The following PSMD4 variants were observed in gnomAD, a reference collection of about 807,000 sequenced individuals.
PSMD4 encodes the protein 26S proteasome non-ATPase regulatory subunit 4.
PSMD4 carries 5 observed loss-of-function variants against 39.7 expected under a neutral mutation model. The observed-to-expected ratio is 0.13, with a 90% CI of 0.07 to 0.26. The LOEUF is 0.26. Among genes scored for constraint, PSMD4 ranks in the 10% least tolerant of loss-of-function variants. PSMD4 has a pLI of 1.00. For synonymous variants in PSMD4, 143 were observed against 174.6 expected (o/e 0.82, Z 1.43); for missense variants, 272 against 486.1 (o/e 0.56, Z 4.14).
chr1:151,262,083 G>A, intron 1 of PSMD4, 78 bp from the exon 2 acceptor site: 1 of 1,517,620 alleles, frequency 6.6e-7, no homozygotes. Context: ...CTGCTATAGG[G>A]GGCCTCTGGA....
At chr1:151,262,638 C>A (rs181093164) in intron 2 of PSMD4, 73 of 249,742 alleles carry the variant, frequency 2.9e-4, no homozygotes, top group Non-Finnish European at 4.7e-4. Context: ...AGTTTGAGAC[C>A]AGCCTGGGCA....
intron 3 of PSMD4, 65 bp downstream of exon 3, chr1:151,264,093 A>G: frequency 8.0e-7 from 1 of 1,247,142 alleles, no homozygotes; most frequent in East Asian, 2.6e-5. Context: ...CATCATACTC[A>G]TTTCTCCCCT....
At chr1:151,261,430 C>A (rs938989928) in intron 1 of PSMD4, among the ~76,000 whole-genome samples, 1 of 152,102 alleles carries the variant, frequency 6.6e-6, no homozygotes, top group Non-Finnish European at 1.5e-5. Context: ...CTGCCTCGGC[C>A]TCCCAAAGTG....
intron 3 of PSMD4, 38 bp from the exon 4 acceptor site, chr1:151,264,794 C>G (rs761889996): frequency 1.3e-6 from 2 of 1,513,922 alleles, no homozygotes; most frequent in South Asian, 2.3e-5. Flanking sequence ...TGAGTGATTC[C>G]TCTGGTTAAC....
chr1:151,265,118 C>G lies in PSMD4; in HGVS notation c.370-48C>G, dbSNP rs200519225. 8.3e-4 allele frequency: 1,265 copies of G among 1,530,536 alleles called. 16 individuals are homozygous for G. The African/African-American group carries it at 0.015, about 19-fold the overall frequency. The allele number at this position is 1,530,536 out of a possible 1,614,324, so 94.8% of individuals were successfully genotyped here. A position where few individuals can be genotyped will look rare whatever the true frequency, so the allele number is the denominator to read the frequency against. On this transcript the variant is annotated intron_variant, in intron 4 of 9. Transcript: ENST00000368884. ...CTTTTATGCGGCGGGTCCTTTCCCCCCCTCGAGTATGGAACAGATTTCTTG... is the reference window on the plus strand; with the variant it reads ...CTTTTATGCGGCGGGTCCTTTCCCCGCCTCGAGTATGGAACAGATTTCTTG...
chr1:151,262,203 C>T lies in PSMD4; in HGVS notation c.69C>T (p.Pro23=), dbSNP rs748927812. Residue 23 remains proline, a synonymous_variant, in exon 2 of 10, where the codon CCC becomes CCT. Coordinates refer to ENST00000368884, the MANE Select transcript of PSMD4 (RefSeq NM_002810.4). ...SEYMRNGDFL[P]TRLQAQQDAV... Reference sequence around the variant, plus strand: ...ATATGCGGAATGGAGACTTCTTACCCACCAGGCTGCAGGCCCAGCAGGATG... The same window carrying T: ...ATATGCGGAATGGAGACTTCTTACCTACCAGGCTGCAGGCCCAGCAGGATG... 6.0e-5 allele frequency: 97 copies of T among 1,614,018 alleles called. No individual in the cohort carries two copies. The highest frequency in any genetic ancestry group is 7.1e-5 in the Non-Finnish European group (84 of 1,180,034).
At chr1:151,254,844 G>A in intron 1 of PSMD4, 36 bp downstream of exon 1, 1 of 1,477,994 alleles carries the variant, frequency 6.8e-7, no homozygotes, top group Non-Finnish European at 8.9e-7. Context: ...GGGCAGAGCT[G>A]GGTTCCGGGC....
rs771363884 is a variant in PSMD4, at chr1:151,254,786, G to A, written c.4G>A (p.Val2Met). Residue 2 changes from valine (V) to methionine (M), a missense_variant, in exon 1 of 10, where the codon GTG (valine) becomes ATG (methionine). Physicochemically the swap from Val to Met is conservative, Grantham distance 21. Coordinates refer to ENST00000368884, the MANE Select transcript of PSMD4 (RefSeq NM_002810.4). ...CGGGAGGGAGGAAGGTGGCAAGATG[G>A]TGTTGGAAAGCACTATGGTGTGGTG... M[V>M]LESTMVCVDN... 4 of 1,566,304 alleles carry A rather than the reference G, an allele frequency of 2.6e-6. No individual in the cohort carries two copies. The highest frequency in any genetic ancestry group is 3.5e-6 in the Non-Finnish European group (4 of 1,157,584).
chr1:151,257,201 TTTCCTCA>T lies in PSMD4; in HGVS notation c.26+2394_26+2400del, dbSNP rs587602281. On this transcript the variant is annotated intron_variant, in intron 1 of 9. Coordinates refer to ENST00000368884, the MANE Select transcript of PSMD4 (RefSeq NM_002810.4). ...CCCCAGTTATTGAATAGGGACTCTT[TTTCCTCA>T]CTGCTTGTTTTGTCAGCTTTGTCAA... 8.9e-4 allele frequency among the ~76,000 whole-genome samples: 136 copies of T among 152,342 alleles called. 1 individual carries two copies. Among genetic ancestry groups the T allele is most frequent in the African/African-American group, 3.1e-3 (130 of 41,580 alleles).
intron 9 of PSMD4, 58 bp downstream of exon 9, chr1:151,266,645 C>T (rs587746540): frequency 1.3e-6 from 2 of 1,574,042 alleles, no homozygotes; most frequent in East Asian, 2.3e-5. Context: ...ATCCTCATCC[C>T]TCTGGGGCTG....
Position 151,259,031 on chromosome 1 carries a change from T to C in PSMD4, c.27-3130T>C, listed in dbSNP as rs771079516. 8.5e-5 allele frequency: 13 copies of C among 152,130 alleles called. 2 individuals are homozygous for C. Among genetic ancestry groups the C allele is most frequent in the African/African-American group, 3.1e-4 (13 of 41,492 alleles). 9.4% of individuals were successfully genotyped at this position (152,130 alleles called of 1,614,324 possible). A position where few individuals can be genotyped will look rare whatever the true frequency, so the allele number is the denominator to read the frequency against. On this transcript the variant is annotated intron_variant, in intron 1 of 9. Transcript: ENST00000368884. ...GAGCTCAAGACCAACCTGGCCAACA[T>C]AGTGAAACCCCGTCTCTACTAAAAA...
rs1394587752 is a variant in PSMD4, at chr1:151,262,122, A to G, written c.27-39A>G. ...GGAGAGAAGGTTTTGGAAAACTTCT[A>G]CATTTCTTCTCTCTTGTCCTTCAAC... On this transcript the variant is annotated intron_variant, in intron 1 of 9. Transcript: ENST00000368884. 9 of 1,611,448 alleles carry G rather than the reference A, an allele frequency of 5.6e-6. No homozygotes were observed. In the South Asian group the frequency reaches 8.8e-5, roughly 16 times the overall value.
chr1:151,266,250 G>A, intron 7 of PSMD4, 58 bp from the exon 8 acceptor site: 4 of 1,611,210 alleles, frequency 2.5e-6, no homozygotes, highest in Middle Eastern at 1.7e-4. Context: ...TGGCCTTGGA[G>A]GCTGGCCTGT....
chr1:151,256,328 A>G, intron 1 of PSMD4, among the ~76,000 whole-genome samples: 1 of 134,280 alleles, frequency 7.4e-6, no homozygotes, highest in Non-Finnish European at 1.6e-5. Context: ...TGGGCGACAG[A>G]GTGAGACTCC....
rs757586893 is a variant in PSMD4 at position 151,267,232 on chromosome 1, C to T, written c.1023C>T (p.Asn341=). Residue 341 remains asparagine, a synonymous_variant, in exon 10 of 10, where the codon AAC becomes AAT. Transcript: ENST00000368884. ...DPEFLQSVLE[N]LPGVDPNNEA... ...AGTTCCTTCAGAGTGTCCTAGAGAA[C>T]CTCCCAGGTGTGGATCCCAACAATG... 7.4e-6 allele frequency: 12 copies of T among 1,613,912 alleles called. No individual in the cohort carries two copies. The Admixed American group carries it at 1.0e-4, about 13-fold the overall frequency.
chr1:151,256,355 AAT>A (rs1491420528), intron 1 of PSMD4, among the ~76,000 whole-genome samples: 16,635 of 71,684 alleles, frequency 0.23, 1,704 homozygotes, highest in Middle Eastern at 0.34. Flanking sequence ...AAAAAAAAAA[AAT>A]AATAATAAAA....
intron 2 of PSMD4, among the ~76,000 whole-genome samples, chr1:151,263,473 AAAG>A (rs1438152876): frequency 9.4e-5 from 14 of 148,520 alleles, no homozygotes; most frequent in East Asian, 2.0e-4. Flanking sequence ...AAAAAATAAA[AAAG>A]AAGAATAGAG....
chr1:151,264,065 G>C (rs199834327), intron 3 of PSMD4, 37 bp downstream of exon 3: 21 of 1,435,424 alleles, frequency 1.5e-5, no homozygotes, highest in African/African-American at 2.8e-5. Context: ...TTTCCTCCCT[G>C]CTCTGAGGTC....
chr1:151,264,774 A>C (rs1451401915), intron 3 of PSMD4, 58 bp from the exon 4 acceptor site: 3 of 1,375,686 alleles, frequency 2.2e-6, no homozygotes, highest in Non-Finnish European at 3.1e-6. Flanking sequence ...CGAGTGACAG[A>C]GGAAAGAGCT....
Sources: allele counts gnomAD v4.1 joint callset (sites outside exome capture counted in the v4.1 genomes callset), GRCh38; gene constraint gnomAD v4.1.1; transcripts MANE v1.5; gene names NCBI Gene and HGNC (gene_info 2026-07-23, HGNC 2026-07-21).